Variants in ALDH1A2 observed in about 807,000 individuals in gnomAD.
ALDH1A2 encodes aldehyde dehydrogenase 1 family member A2.
Under a neutral mutation model 60.3 loss-of-function variants are expected in ALDH1A2, and 27 were observed. The ratio of observed to expected loss-of-function variants is 0.45; its 90% CI spans 0.33 to 0.62. The LOEUF is 0.62. ALDH1A2 is among the 20% of genes least tolerant of loss of function. The probability of loss-of-function intolerance (pLI) is 0.02; values close to 1 mark genes in which losing one functional copy is unlikely to be tolerated. For synonymous variants in ALDH1A2, 289 were observed against 232.4 expected, an observed-to-expected ratio of 1.24 and a Z score of -2.21; for missense variants, 581 against 643.8, an observed-to-expected ratio of 0.90 and a Z score of 1.06.
chr15:58,006,032 T>A (rs1361569057), intron 4 of ALDH1A2, among the ~76,000 whole-genome samples: 1 of 151,908 alleles, frequency 6.6e-6, no homozygotes, highest in African/African-American at 2.4e-5. Flanking sequence ...GATTTTTTTT[T>A]TTTTATTTCA....
At chr15:58,016,456 T>G (rs1390544107) in intron 1 of ALDH1A2, among the ~76,000 whole-genome samples, 1 of 152,144 alleles carries the variant, frequency 6.6e-6, no homozygotes, top group Non-Finnish European at 1.5e-5. Context: ...AGTTTTTAGG[T>G]TTCTCTGTGC....
At chr15:57,958,797 A>T (rs4646637) in intron 12 of ALDH1A2, among the ~76,000 whole-genome samples, 9,367 of 152,226 alleles carry the variant, frequency 0.062, 323 homozygotes, top group East Asian at 0.13. Flanking sequence ...GAAAGAGAAA[A>T]CATGTTTTGG....
rs1324114334 is a variant in ALDH1A2 at position 57,960,960 on chromosome 15, A to T, written c.1410-116T>A. On this transcript the variant is annotated intron_variant, in intron 11 of 12. Transcript: ENST00000249750. Reference sequence around the variant, plus strand: ...TAAATTCCTTTCCTCCAGAGGAAAAAATTGTAATTTAAAATCTACTTTGAT... The same window carrying T: ...TAAATTCCTTTCCTCCAGAGGAAAATATTGTAATTTAAAATCTACTTTGAT... 6 of 1,336,412 alleles carry T rather than the reference A, an allele frequency of 4.5e-6. No homozygotes were observed. In the Admixed American group the frequency reaches 1.3e-4, roughly 29 times the overall value. 82.8% of individuals were successfully genotyped at this position (1,336,412 alleles called of 1,614,324 possible). A position where few individuals can be genotyped will look rare whatever the true frequency, so the allele number is the denominator to read the frequency against.
At chr15:58,065,489 T>G (rs567586205) in intron 1 of ALDH1A2, 45 bp downstream of exon 1, 1 of 1,494,228 alleles carries the variant, frequency 6.7e-7, no homozygotes, top group Admixed American at 1.7e-5. Flanking sequence ...CCGAAGAAGG[T>G]TCTAGAAAGT....
intron 12 of ALDH1A2, among the ~76,000 whole-genome samples, chr15:57,955,575 G>A (rs1893494409): frequency 6.6e-6 from 1 of 152,208 alleles, no homozygotes; most frequent in Admixed American, 6.5e-5. Context: ...ATTACTCAGA[G>A]AACTACCATC....
intron 12 of ALDH1A2, among the ~76,000 whole-genome samples, chr15:57,958,810 G>A (rs535769990): frequency 3.3e-5 from 5 of 152,260 alleles, no homozygotes; most frequent in Non-Finnish European, 7.4e-5. Context: ...TGTTTTGGGG[G>A]TAAGTAGAGA....
Position 57,954,588 on chromosome 15 carries a change from G to A in ALDH1A2, c.*609C>T, listed in dbSNP as rs993083226. 7 of 159,704 alleles carry A rather than the reference G, an allele frequency of 4.4e-5. No individual in the cohort carries two copies. The East Asian group carries it at 8.7e-4, about 20-fold the overall frequency. 9.9% of individuals were successfully genotyped at this position (159,704 alleles called of 1,614,324 possible). On this transcript the variant is annotated 3_prime_UTR_variant, in exon 13 of 13. Coordinates refer to ENST00000249750, the MANE Select transcript of ALDH1A2 (RefSeq NM_003888.4). ...ACCAGATTGGGTCAGGAATATCCCA[G>A]GTTCTTACTACATCTGTAGTGTACC...
At chr15:58,048,057 G>A (rs776266576) in intron 1 of ALDH1A2, among the ~76,000 whole-genome samples, 1 of 151,904 alleles carries the variant, frequency 6.6e-6, no homozygotes, top group African/African-American at 2.4e-5. Flanking sequence ...CAATATTGCA[G>A]GCCCTGAACC....
At chr15:58,035,271 C>G (rs139586718) in intron 1 of ALDH1A2, among the ~76,000 whole-genome samples, 284 of 151,710 alleles carry the variant, frequency 1.9e-3, no homozygotes, top group Non-Finnish European at 1.1e-3. Context: ...TATTCTTCTA[C>G]TGTCCGTGGC....
At position 58,065,536 on chromosome 15, in the gene ALDH1A2, T is replaced by C; in HGVS notation, c.115A>G (p.Lys39Glu). ...PTPNLEIKYT[K>E]IFINNEWQNS... ...ACGGGCGCTGGGCGGCCGCTTACCT[T>C]GGTGTACTTAATTTCGAGATTGGGC... is the stretch of plus-strand genomic sequence containing the variant. Residue 39 changes from lysine (K) to glutamate (E), a missense_variant and splice_region_variant, in exon 1 of 13, where the codon AAG becomes GAG. This residue lies in a region of ALDH1A2 where 206 missense variants were observed against 174.1 expected (regional missense o/e 1.18). Coordinates refer to ENST00000249750, the MANE Select transcript of ALDH1A2 (RefSeq NM_003888.4). 1 of 1,612,108 alleles carries C rather than the reference T, an allele frequency of 6.2e-7. No homozygotes were observed. The highest frequency in any genetic ancestry group is 8.5e-7 in the Non-Finnish European group (1 of 1,178,344).
At chr15:58,052,467 T>C (rs1415228688) in intron 1 of ALDH1A2, among the ~76,000 whole-genome samples, 2 of 152,136 alleles carry the variant, frequency 1.3e-5, no homozygotes, top group African/African-American at 4.8e-5. Context: ...ATTTATTTTT[T>C]ATTTTTTTTA....
intron 7 of ALDH1A2, among the ~76,000 whole-genome samples, chr15:57,971,241 G>T (rs1321234098): frequency 6.6e-6 from 1 of 152,050 alleles, no homozygotes; most frequent in East Asian, 1.9e-4. Context: ...TTGCTTACTT[G>T]ATAAACTCAT....
chr15:58,002,219 CTGAG>C (rs1334152406), intron 4 of ALDH1A2, among the ~76,000 whole-genome samples: 1 of 151,792 alleles, frequency 6.6e-6, no homozygotes, highest in Non-Finnish European at 1.5e-5. Flanking sequence ...TTAAATTTTA[CTGAG>C]TATGTGTGCA....
At chr15:58,050,514 A>G (rs1428650338) in intron 1 of ALDH1A2, among the ~76,000 whole-genome samples, 2 of 151,892 alleles carry the variant, frequency 1.3e-5, no homozygotes, top group Admixed American at 6.6e-5. Flanking sequence ...AAAATCATTT[A>G]TTTTATCTGA....
At chr15:58,044,226 G>A (rs1363478081) in intron 1 of ALDH1A2, among the ~76,000 whole-genome samples, 1 of 151,894 alleles carries the variant, frequency 6.6e-6, no homozygotes, top group African/African-American at 2.4e-5. Flanking sequence ...TGCCATGGTG[G>A]TTTGCTGCAC....
At position 57,992,652 on chromosome 15, in the gene ALDH1A2, CCTCAA is replaced by C. The variant is rs1345343256; in HGVS notation, c.798+48_798+52del. On this transcript the variant is annotated intron_variant, in intron 7 of 12. Coordinates refer to ENST00000249750, the MANE Select transcript of ALDH1A2 (RefSeq NM_003888.4). ...TACTAGTTTTATTGTTTTTGTAACC[CCTCAA>C]CTCATTTGCAAGACTGTTCCTCAAG... 5.2e-6 allele frequency: 8 copies of C among 1,526,024 alleles called. No homozygotes were observed. The East Asian group carries it at 1.1e-4, about 21-fold the overall frequency. The allele number at this position is 1,526,024 out of a possible 1,614,324, so 94.5% of individuals were successfully genotyped here.
In ALDH1A2 at chr15:57,955,067, C is replaced by G; in HGVS notation, c.*130G>C. ...TTAGTTGTGCAGTGACCTGCCTGGC[C>G]TACATGTTATCTTTTCAATCTTTAA... On this transcript the variant is annotated 3_prime_UTR_variant, in exon 13 of 13. Coordinates refer to ENST00000249750, the MANE Select transcript of ALDH1A2 (RefSeq NM_003888.4). The G allele has an allele frequency of 9.4e-7, 1 of 1,059,326 alleles. No individual in the cohort carries two copies. Among genetic ancestry groups the G allele is most frequent in the Non-Finnish European group, 1.5e-6 (1 of 676,676 alleles). The allele number at this position is 1,059,326 out of a possible 1,614,324, so 65.6% of individuals were successfully genotyped here.
chr15:58,051,960 T>C (rs1294126104), intron 1 of ALDH1A2, among the ~76,000 whole-genome samples: 5 of 152,120 alleles, frequency 3.3e-5, no homozygotes, highest in Admixed American at 3.3e-4. Context: ...ACAACAAATA[T>C]TTTCTGCCTA....
At chr15:57,961,102 A>G in intron 11 of ALDH1A2, 35 bp downstream of exon 11, 1 of 1,611,920 alleles carries the variant, frequency 6.2e-7, no homozygotes, top group East Asian at 2.2e-5. Context: ...CTATACCACC[A>G]GTGGAATTTG....
Sources: allele counts gnomAD v4.1 joint callset (sites outside exome capture counted in the v4.1 genomes callset), GRCh38; gene constraint gnomAD v4.1.1; regional missense constraint gnomAD v4.1.1; transcripts MANE v1.5; gene names NCBI Gene and HGNC (gene_info 2026-07-23, HGNC 2026-07-21).